The following BLK variants were observed in gnomAD, a reference collection of about 807,000 sequenced individuals.
The protein encoded by BLK is tyrosine-protein kinase Blk.
BLK carries 64 observed loss-of-function variants against 61.8 expected under a neutral mutation model. The observed-to-expected ratio is 1.03, with a 90% CI of 0.85 to 1.27. The LOEUF (loss-of-function observed/expected upper bound fraction) is 1.27, where lower values mean the gene tolerates loss of function less well. BLK is among the 50% of genes most tolerant of loss of function. The probability of loss-of-function intolerance (pLI) is 0.00; values close to 1 mark genes in which losing one functional copy is unlikely to be tolerated. For missense variants in BLK, 853 were observed against 660.5 expected, an observed-to-expected ratio of 1.29 and a Z score of -3.19; for synonymous variants, 351 against 272.0, an observed-to-expected ratio of 1.29 and a Z score of -2.86.
chr8:11,518,760 T>C (rs967111640), intron 1 of BLK, among the ~76,000 whole-genome samples: 4 of 152,068 alleles, frequency 2.6e-5, no homozygotes, highest in Non-Finnish European at 4.4e-5. Context: ...CCCCAGCTGG[T>C]CTCTGGGCCC....
chr8:11,503,103 G>A (rs1480521274), intron 1 of BLK, among the ~76,000 whole-genome samples: 1 of 152,110 alleles, frequency 6.6e-6, no homozygotes, highest in Admixed American at 6.5e-5. Flanking sequence ...ACCAGAGGGA[G>A]GTAAAGACAC....
At chr8:11,524,288 A>T (rs939317180) in intron 1 of BLK, among the ~76,000 whole-genome samples, 4 of 152,226 alleles carry the variant, frequency 2.6e-5, no homozygotes, top group African/African-American at 9.6e-5. Flanking sequence ...TATATGTAAC[A>T]CCTTTGAAAA....
intron 2 of BLK, among the ~76,000 whole-genome samples, chr8:11,544,449 C>A (rs1479757161): frequency 6.6e-6 from 1 of 152,114 alleles, no homozygotes; most frequent in Non-Finnish European, 1.5e-5. Flanking sequence ...AATCCCACTT[C>A]CTAGATGAAC....
At chr8:11,554,967 G>A in intron 7 of BLK, 78 bp downstream of exon 7, 1 of 1,563,952 alleles carries the variant, frequency 6.4e-7, no homozygotes, top group South Asian at 1.1e-5. Flanking sequence ...CCAATTGTGT[G>A]AGTCATTGGT....
intron 1 of BLK, among the ~76,000 whole-genome samples, chr8:11,538,976 T>C (rs1192969151): frequency 6.6e-6 from 1 of 152,160 alleles, no homozygotes; most frequent in African/African-American, 2.4e-5. Flanking sequence ...AGAAAGAAAG[T>C]CAAAGTCACA....
chr8:11,550,413 C>G (rs573383149), intron 6 of BLK, 151 bp downstream of exon 6: 4 of 765,756 alleles, frequency 5.2e-6, no homozygotes, highest in Non-Finnish European at 8.9e-6. Context: ...AGGCCCTGCC[C>G]GGGAGTTGAC....
At chr8:11,556,471 G>A (rs986844538) in intron 8 of BLK, 187 bp from the exon 9 acceptor site, 2 of 692,034 alleles carry the variant, frequency 2.9e-6, no homozygotes, top group East Asian at 2.8e-5. Flanking sequence ...ACTGCCTGAG[G>A]CCCCATATAG....
At chr8:11,512,822 A>G (rs1304198930) in intron 1 of BLK, among the ~76,000 whole-genome samples, 1 of 152,046 alleles carries the variant, frequency 6.6e-6, no homozygotes, top group African/African-American at 2.4e-5. Context: ...ACCCACCACC[A>G]TGCCCAGCTA....
intron 1 of BLK, among the ~76,000 whole-genome samples, chr8:11,515,241 G>A (rs961895088): frequency 1.2e-4 from 18 of 152,254 alleles, no homozygotes; most frequent in African/African-American, 3.4e-4. Context: ...AAGTACAGGC[G>A]GTCTGGGCTT....
At chr8:11,555,647 G>A (rs1801176922) in intron 8 of BLK, 163 bp downstream of exon 8, 2 of 1,151,246 alleles carry the variant, frequency 1.7e-6, no homozygotes, top group Non-Finnish European at 1.3e-6. Context: ...AGGAAGTGGA[G>A]GTGCAGAGCC....
At chr8:11,553,323 T>C (rs1169281122) in intron 6 of BLK, 7 of 399,118 alleles carry the variant, frequency 1.8e-5, no homozygotes, top group Non-Finnish European at 3.4e-5. Context: ...TGAGAAATCT[T>C]CATCTCAGAG....
chr8:11,557,669 C>A (rs1323701803), intron 9 of BLK, among the ~76,000 whole-genome samples: 1 of 152,160 alleles, frequency 6.6e-6, no homozygotes, highest in Non-Finnish European at 1.5e-5. Context: ...AACTGGGGTC[C>A]CACTCCCAGC....
At chr8:11,538,110 A>C (rs923910659) in intron 1 of BLK, among the ~76,000 whole-genome samples, 2 of 152,200 alleles carry the variant, frequency 1.3e-5, no homozygotes, top group African/African-American at 2.4e-5. Flanking sequence ...ATATTCAAGC[A>C]CATACACACA....
At chr8:11,533,771 A>G (rs761915420) in intron 1 of BLK, among the ~76,000 whole-genome samples, 7 of 152,214 alleles carry the variant, frequency 4.6e-5, no homozygotes, top group Non-Finnish European at 1.0e-4. Flanking sequence ...GGTGTGAGTT[A>G]TTATAAAAAG....
chr8:11,516,496 A>G (rs1487628423), intron 1 of BLK, among the ~76,000 whole-genome samples: 1 of 152,200 alleles, frequency 6.6e-6, no homozygotes. Flanking sequence ...CTATTGAGAG[A>G]AAGACAATCT....
At chr8:11,562,572 A>G (rs1270715852) in intron 11 of BLK, among the ~76,000 whole-genome samples, 1 of 152,176 alleles carries the variant, frequency 6.6e-6, no homozygotes, top group Non-Finnish European at 1.5e-5. Flanking sequence ...TCCATTTTGC[A>G]GGAAGGGACT....
At chr8:11,548,847 C>T (rs898058019) in intron 4 of BLK, among the ~76,000 whole-genome samples, 177 bp from the exon 5 acceptor site, 4 of 152,096 alleles carry the variant, frequency 2.6e-5, no homozygotes, top group South Asian at 2.1e-4. Flanking sequence ...AGAACTTGCC[C>T]GGATAGCCAC....
chr8:11,517,337 T>C (rs561711883), intron 1 of BLK, among the ~76,000 whole-genome samples: 111 of 152,312 alleles, frequency 7.3e-4, no homozygotes, highest in African/African-American at 2.5e-3. Context: ...GAGCTGCCAT[T>C]CACAGCGATG....
intron 1 of BLK, among the ~76,000 whole-genome samples, chr8:11,534,222 C>T (rs1190646804): frequency 6.6e-6 from 1 of 152,190 alleles, no homozygotes; most frequent in Non-Finnish European, 1.5e-5. Flanking sequence ...TTTGATTTCT[C>T]ATTTAATTTT....
Sources: gnomAD v4.1 joint callset for allele counts (sites outside exome capture counted in the v4.1 genomes callset) on GRCh38, gnomAD v4.1.1 for gene constraint, MANE v1.5 for transcripts, NCBI Gene and HGNC (gene_info 2026-07-23, HGNC 2026-07-21) for gene names.